The following CDK8 variants were observed in gnomAD, a reference collection of about 807,000 sequenced individuals.
The protein encoded by CDK8 is cyclin dependent kinase 8, also known as cyclin-dependent kinase 8.
In CDK8, 29 loss-of-function variants were observed where a neutral mutation model predicts 71.5. That is an observed-to-expected ratio of 0.41 (90% CI 0.30 to 0.55). The LOEUF is 0.55. Ranked by LOEUF, CDK8 falls within the 20% of genes least tolerant of loss-of-function variation. The pLI is 0.37. For synonymous variants in CDK8, 161 were observed against 192.1 expected, an observed-to-expected ratio of 0.84 and a Z score of 1.34; for missense variants, 288 against 572.6, an observed-to-expected ratio of 0.50 and a Z score of 5.07.
At position 26,254,585 on chromosome 13, in the gene CDK8, C is replaced by A; in HGVS notation, c.-57C>A. 1.9e-6 allele frequency: 2 copies of A among 1,049,254 alleles called. No homozygotes were observed. The highest frequency in any genetic ancestry group is 1.4e-5 in the South Asian group (1 of 70,156). The allele number at this position is 1,049,254 out of a possible 1,614,324, so 65.0% of individuals were successfully genotyped here. ...CTGCGGCTGCCCGTGCTTCCCCGGT[C>A]CCCACCCCTGCCCCCCGGCCCCCCG... On this transcript the variant is annotated 5_prime_UTR_variant, in exon 1 of 13. Transcript: ENST00000381527. This position sits in a 1 kb window ranked among gnomAD's most constrained non-coding sequence, Gnocchi z 6.7.
intron 4 of CDK8, among the ~76,000 whole-genome samples, chr13:26,374,062 G>A (rs1046488970): frequency 7.3e-5 from 11 of 150,700 alleles, no homozygotes; most frequent in African/African-American, 2.4e-4. Flanking sequence ...TTAGCTGGGC[G>A]TGGTGGTGGG....
chr13:26,358,089 A>T (rs1311054270), intron 4 of CDK8, among the ~76,000 whole-genome samples: 1 of 151,708 alleles, frequency 6.6e-6, no homozygotes, highest in East Asian at 1.9e-4. Flanking sequence ...AGGTCAGGAG[A>T]TTGAGACCAT....
chr13:26,400,637 CCT>C (rs1876212773), intron 10 of CDK8, 87 bp downstream of exon 10: 1 of 813,744 alleles, frequency 1.2e-6, no homozygotes, highest in Non-Finnish European at 2.1e-6. Flanking sequence ...AGTTGCTCCT[CCT>C]CTTATATGGG....
intron 1 of CDK8, among the ~76,000 whole-genome samples, chr13:26,278,972 G>T (rs1039558284): frequency 6.6e-6 from 1 of 152,146 alleles, no homozygotes; most frequent in Non-Finnish European, 1.5e-5. Flanking sequence ...GAGATGGTGT[G>T]TGTAGGTTTC....
intron 1 of CDK8, among the ~76,000 whole-genome samples, chr13:26,298,408 T>C (rs1350134801): frequency 6.6e-6 from 1 of 152,172 alleles, no homozygotes; most frequent in Non-Finnish European, 1.5e-5. Context: ...CAGAATTCCC[T>C]TTGTTCTTTC....
At chr13:26,360,671 A>T (rs1874096622) in intron 4 of CDK8, among the ~76,000 whole-genome samples, 1 of 152,210 alleles carries the variant, frequency 6.6e-6, no homozygotes, top group African/African-American at 2.4e-5. Context: ...ACCAAAATAC[A>T]CAATTTGTGT....
At chr13:26,272,434 G>A (rs1872373763) in intron 1 of CDK8, among the ~76,000 whole-genome samples, 1 of 152,150 alleles carries the variant, frequency 6.6e-6, no homozygotes, top group African/African-American at 2.4e-5. Context: ...TGTCCCCCTG[G>A]AAGGTCTGAG....
chr13:26,400,196 A>G (rs1416234695), intron 9 of CDK8: 1 of 392,644 alleles, frequency 2.5e-6, no homozygotes, highest in African/African-American at 2.1e-5. Flanking sequence ...CCATTTAGAT[A>G]ATGGGGGTGG....
At chr13:26,264,000 G>A (rs921038764) in intron 1 of CDK8, among the ~76,000 whole-genome samples, 7 of 151,764 alleles carry the variant, frequency 4.6e-5, no homozygotes, top group African/African-American at 1.7e-4. Flanking sequence ...GCCCACCTGG[G>A]CCCCCCAAAG....
intron 4 of CDK8, among the ~76,000 whole-genome samples, chr13:26,356,088 C>G (rs1480199758): frequency 6.6e-6 from 1 of 152,024 alleles, no homozygotes; most frequent in Non-Finnish European, 1.5e-5. Context: ...TAGTATAGAA[C>G]AGATCATTTC....
intron 1 of CDK8, among the ~76,000 whole-genome samples, chr13:26,335,103 A>C (rs1872919652): frequency 6.6e-6 from 1 of 152,180 alleles, no homozygotes; most frequent in Non-Finnish European, 1.5e-5. Flanking sequence ...CTTCCATCTT[A>C]AGAAATAATA....
chr13:26,350,115 A>G (rs1873625500), intron 3 of CDK8, among the ~76,000 whole-genome samples: 1 of 152,202 alleles, frequency 6.6e-6, no homozygotes, highest in African/African-American at 2.4e-5. Context: ...GTGTAAGTAC[A>G]GTCTGTGATG....
intron 1 of CDK8, among the ~76,000 whole-genome samples, chr13:26,255,555 C>G (rs889338207): frequency 3.9e-5 from 6 of 152,152 alleles, no homozygotes; most frequent in Non-Finnish European, 8.8e-5. Context: ...AGTTTCTTAA[C>G]AGGCAAGTGA....
intron 9 of CDK8, chr13:26,399,971 C>T: frequency 5.2e-6 from 1 of 193,916 alleles, no homozygotes; most frequent in Non-Finnish European, 1.1e-5. Flanking sequence ...CTGCACAGTG[C>T]AGTAGCGTAG....
At chr13:26,299,740 A>G (rs780948281) in intron 1 of CDK8, among the ~76,000 whole-genome samples, 1 of 152,112 alleles carries the variant, frequency 6.6e-6, no homozygotes, top group Non-Finnish European at 1.5e-5. Context: ...CCAAGATTGA[A>G]TCTGAATTTT....
intron 3 of CDK8, among the ~76,000 whole-genome samples, chr13:26,352,511 CG>C (rs1189772972): frequency 2.0e-5 from 3 of 152,180 alleles, no homozygotes; most frequent in African/African-American, 7.2e-5. Context: ...CCACCATGCC[CG>C]GCCCAAGAAT....
intron 1 of CDK8, among the ~76,000 whole-genome samples, chr13:26,326,409 G>A (rs751935256): frequency 4.6e-5 from 7 of 152,174 alleles, no homozygotes; most frequent in Non-Finnish European, 7.4e-5. Flanking sequence ...ACAAGTGCCT[G>A]TTAACAATTC....
At chr13:26,361,869 A>T (rs1430868271) in intron 4 of CDK8, among the ~76,000 whole-genome samples, 1 of 132,662 alleles carries the variant, frequency 7.5e-6, no homozygotes, top group Non-Finnish European at 1.5e-5. Flanking sequence ...GGCTCAAGAG[A>T]TCGTCCTGCC....
chr13:26,290,750 T>G (rs1566473977), intron 1 of CDK8, among the ~76,000 whole-genome samples: 1 of 152,138 alleles, frequency 6.6e-6, no homozygotes, highest in Non-Finnish European at 1.5e-5. Flanking sequence ...GACATTTATT[T>G]AGTGTCATGA....
Sources: allele counts gnomAD v4.1 joint callset (sites outside exome capture counted in the v4.1 genomes callset), GRCh38; gene constraint gnomAD v4.1.1; non-coding constraint Gnocchi (gnomAD v3.1); transcripts MANE v1.5; gene names NCBI Gene and HGNC (gene_info 2026-07-23, HGNC 2026-07-21).